SYNPR: variants seen among roughly 807,000 people sequenced by gnomAD.
SYNPR encodes the protein synaptoporin.
A neutral mutation model predicts 32.9 loss-of-function variants in SYNPR; 23 were observed. The observed-to-expected ratio is 0.70, with a 90% CI of 0.50 to 0.99. The LOEUF is 0.99. Ranked by LOEUF, SYNPR falls within the 50% of genes least tolerant of loss-of-function variation. The pLI is 0.00. For missense variants in SYNPR, 318 were observed against 349.3 expected (o/e 0.91, Z 0.71); for synonymous variants, 146 against 135.9 (o/e 1.07, Z -0.52).
At position 63,542,660 on chromosome 3, in the gene SYNPR, C is replaced by T. The variant is rs143442517; in HGVS notation, c.210-13883C>T. Among the ~76,000 whole-genome samples, 24 of 152,190 alleles carry T rather than the reference C, an allele frequency of 1.6e-4. No individual in the cohort carries two copies. The East Asian group carries it at 4.1e-3, about 26-fold the overall frequency. ...ATCAGTTGAATAGAGAATATCTAGG[C>T]AGTTTTAGTTTGGATAAAAGAGCAT... On this transcript the variant is annotated intron_variant, in intron 3 of 5. Transcript: ENST00000478300.
chr3:63,294,775 T>C (rs2086776833), intron 2 of SYNPR, among the ~76,000 whole-genome samples: 1 of 152,220 alleles, frequency 6.6e-6, no homozygotes, highest in African/African-American at 2.4e-5. Flanking sequence ...GTCTTATTTA[T>C]ATTATTTATT....
upstream of SYNPR, among the ~76,000 whole-genome samples, chr3:63,276,296 T>G (rs7433582): frequency 0.76 from 115,788 of 152,070 alleles, 44,718 homozygotes; most frequent in Middle Eastern, 0.87. Context: ...ATATAGATGT[T>G]GAGGTGCACT....
chr3:63,346,128 A>C (rs1471163927), intron 2 of SYNPR, among the ~76,000 whole-genome samples: 1 of 152,128 alleles, frequency 6.6e-6, no homozygotes, highest in Non-Finnish European at 1.5e-5. Context: ...GAACTATTTT[A>C]TTCAAACTCT....
At chr3:63,388,556 T>TGTG (rs2088086193) in intron 2 of SYNPR, among the ~76,000 whole-genome samples, 11 of 128,018 alleles carry the variant, frequency 8.6e-5, no homozygotes, top group Non-Finnish European at 9.7e-5. Context: ...CCCGGCTAAT[T>TGTG]TGTGTGTGTG....
chr3:63,379,317 A>T lies in SYNPR; in HGVS notation c.84+100575A>T, dbSNP rs148430112. On this transcript the variant is annotated intron_variant, in intron 2 of 5. Coordinates refer to ENST00000478300, the MANE Select transcript of SYNPR (RefSeq NM_001130003.2). ...CTGTCGTTTGGTGAAGAGTTCCATA[A>T]TGTTGATTAGATTCTGTTGGTTGGT... Among the ~76,000 whole-genome samples the T allele has an allele frequency of 5.6e-4, 86 of 152,272 alleles. 1 individual carries two copies. The East Asian group carries it at 0.013, about 23-fold the overall frequency.
intron 3 of SYNPR, among the ~76,000 whole-genome samples, chr3:63,521,939 C>T (rs547911160): frequency 7.9e-4 from 120 of 152,274 alleles, no homozygotes; most frequent in Non-Finnish European, 1.4e-3. Flanking sequence ...CAACCAGAAA[C>T]CAGAGGACAA....
chr3:63,416,715 C>G (rs986347991), intron 2 of SYNPR, among the ~76,000 whole-genome samples: 1 of 151,948 alleles, frequency 6.6e-6, no homozygotes, highest in African/African-American at 2.4e-5. Flanking sequence ...TGGTGGAAGA[C>G]AAGGAAGAGC....
chr3:63,541,169 C>G (rs962418413), intron 3 of SYNPR, among the ~76,000 whole-genome samples: 1 of 151,284 alleles, frequency 6.6e-6, no homozygotes, highest in Non-Finnish European at 1.5e-5. Flanking sequence ...AAGAATAAAA[C>G]CAAGCAGAGG....
intron 2 of SYNPR, among the ~76,000 whole-genome samples, chr3:63,425,961 A>G (rs772238096): frequency 6.6e-6 from 1 of 151,272 alleles, no homozygotes; most frequent in Admixed American, 6.6e-5. Flanking sequence ...TTTTTTTTGC[A>G]TTTTTAGTAG....
intron 3 of SYNPR, among the ~76,000 whole-genome samples, chr3:63,543,116 A>C (rs1356965815): frequency 6.6e-6 from 1 of 152,196 alleles, no homozygotes; most frequent in African/African-American, 2.4e-5. Context: ...TCAGAATAAT[A>C]GCTGCTTCTT....
intron 2 of SYNPR, among the ~76,000 whole-genome samples, chr3:63,463,882 A>C (rs956498057): frequency 2.5e-4 from 38 of 152,040 alleles, no homozygotes; most frequent in Non-Finnish European, 4.9e-4. Flanking sequence ...AATTTTTGTA[A>C]ATTTTATTTA....
chr3:63,433,823 T>G (rs527554622), intron 2 of SYNPR, among the ~76,000 whole-genome samples: 2 of 152,208 alleles, frequency 1.3e-5, no homozygotes, highest in Admixed American at 1.3e-4. Context: ...ATCATAGGGA[T>G]GCAGAAACAC....
intron 4 of SYNPR, among the ~76,000 whole-genome samples, chr3:63,559,012 T>C (rs964232736): frequency 4.6e-5 from 7 of 151,974 alleles, no homozygotes; most frequent in African/African-American, 1.7e-4. Flanking sequence ...CAAGTAACTG[T>C]TCCATTGATA....
At chr3:63,572,091 T>A (rs1702897399) in intron 4 of SYNPR, among the ~76,000 whole-genome samples, 1 of 152,200 alleles carries the variant, frequency 6.6e-6, no homozygotes, top group African/African-American at 2.4e-5. Flanking sequence ...TGACTTTCAG[T>A]CCAAAGCAAC....
chr3:63,443,417 G>A (rs2107163202), intron 2 of SYNPR: 1 of 1,602,724 alleles, frequency 6.2e-7, no homozygotes, highest in East Asian at 2.2e-5. Flanking sequence ...TTTCAGGAGA[G>A]GGAAGTTGGA....
At chr3:63,504,698 A>T (rs1051967624) in intron 3 of SYNPR, among the ~76,000 whole-genome samples, 1 of 152,194 alleles carries the variant, frequency 6.6e-6, no homozygotes, top group East Asian at 1.9e-4. Context: ...TGCTTGAAAA[A>T]AGGCAGTTTT....
At chr3:63,200,696 T>C in the SYNPR span, among the ~76,000 whole-genome samples, 7 of 152,032 alleles carry the variant, frequency 4.6e-5, 1 homozygote, top group Non-Finnish European at 4.4e-5. Context: ...TTTCTCTTTT[T>C]AATTTCTCAA....
intron 3 of SYNPR, among the ~76,000 whole-genome samples, chr3:63,506,672 A>T (rs1324606758): frequency 3.9e-5 from 6 of 152,194 alleles, no homozygotes; most frequent in African/African-American, 1.4e-4. Flanking sequence ...AAGTGTTAAG[A>T]TCTTTTAACG....
chr3:63,361,520 C>A (rs944839940), intron 2 of SYNPR, among the ~76,000 whole-genome samples: 5 of 151,190 alleles, frequency 3.3e-5, no homozygotes, highest in African/African-American at 1.2e-4. Context: ...ATGGTGTGAA[C>A]CCGGGAGGCG....
Sources: allele counts gnomAD v4.1 joint callset (sites outside exome capture counted in the v4.1 genomes callset), GRCh38; gene constraint gnomAD v4.1.1; transcripts MANE v1.5; gene names NCBI Gene and HGNC (gene_info 2026-07-23, HGNC 2026-07-21).